The following FRK variants were observed in gnomAD, a reference collection of about 807,000 sequenced individuals.
FRK encodes tyrosine-protein kinase FRK.
FRK carries 51 observed loss-of-function variants against 56.4 expected under a neutral mutation model. That is an observed-to-expected ratio of 0.90 (90% CI 0.72 to 1.14). FRK has a LOEUF of 1.14. Among genes scored for constraint, FRK ranks in the 50% most tolerant of loss-of-function variants. FRK has a pLI of 0.00. For synonymous variants in FRK, 245 were observed against 217.9 expected, an observed-to-expected ratio of 1.12 and a Z score of -1.10; for missense variants, 570 against 601.4, an observed-to-expected ratio of 0.95 and a Z score of 0.55.
intron 7 of FRK, 35 bp downstream of exon 7, chr6:115,942,985 C>A: frequency 1.9e-6 from 3 of 1,589,010 alleles, no homozygotes; most frequent in Non-Finnish European, 2.6e-6. Context: ...AAGTGACATG[C>A]AGCAGAAAGG....
chr6:115,991,503 T>A (rs1774603783), intron 2 of FRK, among the ~76,000 whole-genome samples: 1 of 151,830 alleles, frequency 6.6e-6, no homozygotes, highest in Admixed American at 6.6e-5. Context: ...TATTGAATGT[T>A]TTTGCTTCAT....
intron 1 of FRK, among the ~76,000 whole-genome samples, chr6:116,054,937 T>C (rs1157404592): frequency 1.3e-5 from 2 of 152,126 alleles, no homozygotes; most frequent in Admixed American, 6.6e-5. Context: ...ATACCTATAA[T>C]TAAGATGCAA....
the FRK span, among the ~76,000 whole-genome samples, chr6:116,088,544 T>C: frequency 6.6e-6 from 1 of 152,262 alleles, no homozygotes; most frequent in East Asian, 1.9e-4. Flanking sequence ...TACACACATA[T>C]AATTGTACAC....
Position 116,060,247 on chromosome 6 carries a change from T to A in FRK, c.65A>T (p.Glu22Val). The A allele has an allele frequency of 6.2e-7, 1 of 1,614,134 alleles. No homozygotes were observed. The highest frequency in any genetic ancestry group is 8.5e-7 in the Non-Finnish European group (1 of 1,180,022). ...LEPYLPCLST[E>V]ADKSTVIENP... ...TTCAATCACGGTTGACTTGTCTGCC[T>A]CCGTGGACAAACAGGGGAGATAGGG... Residue 22 changes from glutamate (E) to valine (V), a missense_variant, in exon 1 of 8, where the codon GAG becomes GTG. Physicochemically the swap from Glu to Val is moderately radical, Grantham distance 121 (BLOSUM62 -2). Coordinates refer to ENST00000606080, the MANE Select transcript of FRK (RefSeq NM_002031.3).
intron 5 of FRK, among the ~76,000 whole-genome samples, chr6:115,948,968 A>T (rs1772585113): frequency 6.6e-6 from 1 of 152,156 alleles, no homozygotes; most frequent in African/African-American, 2.4e-5. Context: ...AATAATACTT[A>T]CCTCATAATG....
rs921488860 is a variant in FRK at position 115,952,349 on chromosome 6, A to G, written c.958+4103T>C. On this transcript the variant is annotated intron_variant, in intron 5 of 7. Coordinates refer to ENST00000606080, the MANE Select transcript of FRK (RefSeq NM_002031.3). Reference sequence around the variant, plus strand: ...CGCACCATCACTGGCCATCAGAGAAATGCAAATCAAAACCACAATGAAATA... The same window carrying G: ...CGCACCATCACTGGCCATCAGAGAAGTGCAAATCAAAACCACAATGAAATA... Among the ~76,000 whole-genome samples, 33 of 152,164 alleles carry G rather than the reference A, an allele frequency of 2.2e-4. 1 individual carries two copies. The highest frequency in any genetic ancestry group is 6.5e-5 in the Admixed American group (1 of 15,270).
At chr6:116,024,268 AATT>A (rs1202044857) in intron 1 of FRK, among the ~76,000 whole-genome samples, 1 of 150,342 alleles carries the variant, frequency 6.7e-6, no homozygotes, top group Non-Finnish European at 1.5e-5. Flanking sequence ...TCATTTTTTT[AATT>A]ATTATTATTA....
chr6:115,997,752 C>T (rs1024904243), intron 2 of FRK, among the ~76,000 whole-genome samples: 1 of 152,144 alleles, frequency 6.6e-6, no homozygotes, highest in Admixed American at 6.5e-5. Context: ...TTCAAGCTCT[C>T]ATTTATGGAG....
At position 115,939,284 on chromosome 6, in the gene FRK, C is replaced by T. The variant is rs1179034047; in HGVS notation, c.*3130G>A. ...CAGAAAATTTGATAAAATTCAACAC[C>T]CCTTCATACTAAAAACTCTCAATAA... On this transcript the variant is annotated 3_prime_UTR_variant, in exon 8 of 8. Coordinates refer to ENST00000606080, the MANE Select transcript of FRK (RefSeq NM_002031.3). 6.6e-6 allele frequency: 1 copy of T among 151,990 alleles called. No homozygotes were observed. The highest frequency in any genetic ancestry group is 1.5e-5 in the Non-Finnish European group (1 of 68,008). 9.4% of individuals were successfully genotyped at this position (151,990 alleles called of 1,614,324 possible).
chr6:116,042,089 T>G (rs1776740488), intron 1 of FRK, among the ~76,000 whole-genome samples: 1 of 152,156 alleles, frequency 6.6e-6, no homozygotes, highest in African/African-American at 2.4e-5. Context: ...TACTGAGGCT[T>G]GAGTAGGCGG....
chr6:115,943,967 T>C (rs1470511142), intron 6 of FRK, among the ~76,000 whole-genome samples: 2 of 152,072 alleles, frequency 1.3e-5, no homozygotes, highest in East Asian at 3.9e-4. Context: ...CAAACAGAGG[T>C]GACTGGTACT....
chr6:115,981,930 T>C (rs539385333), intron 2 of FRK, among the ~76,000 whole-genome samples: 1 of 152,180 alleles, frequency 6.6e-6, no homozygotes, highest in South Asian at 2.1e-4. Context: ...TGAGGACCCA[T>C]GCTGTTTATT....
chr6:116,029,715 G>A (rs1341516219), intron 1 of FRK, among the ~76,000 whole-genome samples: 1 of 152,054 alleles, frequency 6.6e-6, no homozygotes, highest in Non-Finnish European at 1.5e-5. Context: ...TCCTACACAA[G>A]GAAACTGAGA....
intron 5 of FRK, among the ~76,000 whole-genome samples, chr6:115,951,991 G>A (rs1315790214): frequency 1.3e-5 from 2 of 152,130 alleles, no homozygotes; most frequent in Non-Finnish European, 2.9e-5. Flanking sequence ...CTTTTGAGAA[G>A]TGTCTGTTCA....
chr6:116,082,638 GACAAACTGGAAAACATAGAGTTTCTATTA>G, the FRK span, among the ~76,000 whole-genome samples: 1 of 152,154 alleles, frequency 6.6e-6, no homozygotes, highest in African/African-American at 2.4e-5. Context: ...ATTTTTGTCT[GACAAACTGGAAAACATAGAGTTTCTATTA>G]ACTAGCTCAG....
intron 1 of FRK, among the ~76,000 whole-genome samples, chr6:116,043,697 C>T (rs2114795714): frequency 6.6e-6 from 1 of 152,058 alleles, no homozygotes; most frequent in South Asian, 2.1e-4. Flanking sequence ...CAAGAGCAAA[C>T]AAATTCAAAA....
At chr6:116,091,712 G>A in the FRK span, among the ~76,000 whole-genome samples, 14 of 152,308 alleles carry the variant, frequency 9.2e-5, no homozygotes, top group South Asian at 6.2e-4. Context: ...TAGTGTGGCC[G>A]TCAGACTGAA....
At chr6:116,015,941 G>A (rs926169805) in intron 1 of FRK, among the ~76,000 whole-genome samples, 4 of 152,244 alleles carry the variant, frequency 2.6e-5, no homozygotes, top group African/African-American at 9.6e-5. Context: ...TATTTATCAG[G>A]GAAGCAGAGC....
intron 1 of FRK, among the ~76,000 whole-genome samples, chr6:116,038,028 A>G (rs1348702530): frequency 1.3e-5 from 2 of 152,226 alleles, no homozygotes; most frequent in Admixed American, 6.5e-5. Flanking sequence ...AAAGATGTGC[A>G]CAGTTAGAAT....
Sources: allele counts gnomAD v4.1 joint callset (sites outside exome capture counted in the v4.1 genomes callset), GRCh38; gene constraint gnomAD v4.1.1; transcripts MANE v1.5; gene names NCBI Gene and HGNC (gene_info 2026-07-23, HGNC 2026-07-21).